FCHSD2: variants seen among roughly 807,000 people sequenced by gnomAD.
FCHSD2 encodes the protein F-BAR and double SH3 domains protein 2.
FCHSD2 carries 38 observed loss-of-function variants against 108.1 expected under a neutral mutation model. That is an observed-to-expected ratio of 0.35 (90% confidence interval 0.27 to 0.46). The LOEUF is 0.46. Among genes scored for constraint, FCHSD2 ranks in the 20% least tolerant of loss-of-function variants. The pLI is 1.00. For synonymous variants in FCHSD2, 279 were observed against 314.7 expected (o/e 0.89, Z 1.20); for missense variants, 751 against 897.8 (o/e 0.84, Z 2.09).
intron 8 of FCHSD2, among the ~76,000 whole-genome samples, chr11:72,974,760 T>G (rs1263007106): frequency 6.6e-6 from 1 of 151,988 alleles, no homozygotes; most frequent in African/African-American, 2.4e-5. Context: ...CATATGGTAT[T>G]TATGGGAACT....
intron 3 of FCHSD2, among the ~76,000 whole-genome samples, chr11:73,072,251 G>A (rs1859454756): frequency 6.6e-6 from 1 of 151,200 alleles, no homozygotes; most frequent in South Asian, 2.1e-4. Flanking sequence ...AAAATAATGG[G>A]GATCAGCATC....
chr11:72,887,606 T>C (rs1405739570), intron 11 of FCHSD2, 32 bp from the exon 12 acceptor site: 2 of 1,340,832 alleles, frequency 1.5e-6, no homozygotes, highest in Non-Finnish European at 2.0e-6. Flanking sequence ...TAATGATGAC[T>C]GTTTTTTACT....
intron 2 of FCHSD2, among the ~76,000 whole-genome samples, chr11:73,113,102 C>CTTT (rs905666045): frequency 1.3e-5 from 2 of 152,018 alleles, no homozygotes; most frequent in African/African-American, 4.8e-5. Context: ...TTGATAAATT[C>CTTT]TGCTGTTAAG....
At chr11:72,964,561 C>G (rs925119983) in intron 8 of FCHSD2, among the ~76,000 whole-genome samples, 2 of 152,134 alleles carry the variant, frequency 1.3e-5, no homozygotes, top group African/African-American at 4.8e-5. Context: ...CGTCTGGAGT[C>G]TAGCAGAGTT....
intron 3 of FCHSD2, among the ~76,000 whole-genome samples, chr11:73,020,413 T>C (rs761723762): frequency 6.6e-6 from 1 of 152,238 alleles, no homozygotes; most frequent in Non-Finnish European, 1.5e-5. Flanking sequence ...GATGGCTCTT[T>C]AAAATTTTTG....
At chr11:72,888,689 C>CCTCAATGTAACCTCCACCTCCCGGGCT in intron 11 of FCHSD2, among the ~76,000 whole-genome samples, 1 of 151,170 alleles carries the variant, frequency 6.6e-6, no homozygotes, top group East Asian at 1.9e-4. Context: ...CATGATCTTA[C>CCTCAATGTAACCTCCACCTCCCGGGCT]CTCAATGTAA....
At chr11:73,104,058 T>C (rs895233361) in intron 2 of FCHSD2, among the ~76,000 whole-genome samples, 1 of 152,242 alleles carries the variant, frequency 6.6e-6, no homozygotes, top group Admixed American at 6.5e-5. Context: ...AGTACCTGAA[T>C]GTCAGCCATC....
intron 3 of FCHSD2, among the ~76,000 whole-genome samples, chr11:73,056,808 C>T (rs1055594556): frequency 1.2e-4 from 19 of 152,262 alleles, no homozygotes; most frequent in African/African-American, 4.6e-4. Context: ...CAAGGCCGGG[C>T]GCGGTGGCTC....
chr11:72,841,539 C>T lies in FCHSD2; in HGVS notation c.1971G>A (p.Pro657=), dbSNP rs139161872. The T allele has an allele frequency of 3.5e-5, 57 of 1,610,982 alleles. No individual in the cohort carries two copies. Among genetic ancestry groups the T allele is most frequent in the African/African-American group, 5.4e-5 (4 of 74,744 alleles). ...GGCTGCTGGGAGGCTGGTCGTACAA[C>T]GGCAGTGGAGGCAGGGAGGCGTGTG... The part of the protein sequence containing the change: ...PKPHASLPPL[P]LYDQPPSSPY... The change falls in exon 18 of 20, where the codon CCG becomes CCA. Residue 657 remains proline, a synonymous_variant. Transcript: ENST00000409418.
chr11:73,092,878 T>C (rs1414770181), intron 2 of FCHSD2, among the ~76,000 whole-genome samples: 2 of 152,146 alleles, frequency 1.3e-5, no homozygotes, highest in African/African-American at 4.8e-5. Flanking sequence ...GGAGGTAATC[T>C]CTAAGCCCTT....
At chr11:73,004,823 C>T (rs538204236) in intron 4 of FCHSD2, among the ~76,000 whole-genome samples, 1 of 152,196 alleles carries the variant, frequency 6.6e-6, no homozygotes, top group East Asian at 1.9e-4. Context: ...TTTCCTTAAT[C>T]CATTCTTCAC....
chr11:72,965,839 C>T (rs1005379277), intron 8 of FCHSD2, among the ~76,000 whole-genome samples: 3 of 152,182 alleles, frequency 2.0e-5, no homozygotes, highest in East Asian at 3.9e-4. Flanking sequence ...TGTTGCTCTA[C>T]CTCATGACCA....
At chr11:72,988,034 C>T (rs1591460982) in intron 6 of FCHSD2, among the ~76,000 whole-genome samples, 3 of 152,196 alleles carry the variant, frequency 2.0e-5, no homozygotes, top group Admixed American at 6.5e-5. Context: ...TGATAAACCG[C>T]GGAGCCCCTG....
intron 13 of FCHSD2, among the ~76,000 whole-genome samples, chr11:72,863,836 T>C (rs1209852834): frequency 6.6e-6 from 1 of 152,220 alleles, no homozygotes; most frequent in Non-Finnish European, 1.5e-5. Context: ...CTATAGTAAG[T>C]ACTGATAAGG....
At chr11:73,131,795 C>T (rs2135572494) in intron 2 of FCHSD2, among the ~76,000 whole-genome samples, 1 of 152,050 alleles carries the variant, frequency 6.6e-6, no homozygotes, top group South Asian at 2.1e-4. Context: ...AAAAATGCTG[C>T]CAATTAACAC....
At chr11:72,854,943 G>A (rs560344203) in intron 13 of FCHSD2, among the ~76,000 whole-genome samples, 2 of 151,940 alleles carry the variant, frequency 1.3e-5, no homozygotes, top group East Asian at 3.9e-4. Context: ...TTCGAGACCA[G>A]CCTGGCCAAC....
At chr11:72,864,974 A>T (rs1034190963) in intron 13 of FCHSD2, among the ~76,000 whole-genome samples, 2 of 152,180 alleles carry the variant, frequency 1.3e-5, no homozygotes, top group African/African-American at 4.8e-5. Flanking sequence ...CCTTTTTTCC[A>T]ATCTTACATT....
intron 8 of FCHSD2, among the ~76,000 whole-genome samples, chr11:72,925,532 A>G (rs1856059009): frequency 6.6e-6 from 1 of 152,192 alleles, no homozygotes; most frequent in African/African-American, 2.4e-5. Context: ...TCTTTAAAAC[A>G]AACAAACAAA....
Position 72,921,904 on chromosome 11 carries a change from G to C in FCHSD2, c.752C>G (p.Ala251Gly). 1 of 1,601,928 alleles carries C rather than the reference G, an allele frequency of 6.2e-7. No homozygotes were observed. The highest frequency in any genetic ancestry group is 8.5e-7 in the Non-Finnish European group (1 of 1,172,586). ...TGTTTCTAGCTCAGTCCGGCTGAAG[G>C]CTATTAAATAATCCTTGAGATGATC... ...VYDHLKDYLI[A>G]FSRTELETCQ... is the part of the protein sequence containing the mutation. The change falls in exon 9 of 20, where the codon GCC (alanine) becomes GGC (glycine). Residue 251 changes from alanine to glycine, a missense_variant. Ala to Gly is a moderately conservative substitution (Grantham distance 60). Coordinates refer to ENST00000409418, the MANE Select transcript of FCHSD2 (RefSeq NM_014824.3).
Sources: allele counts gnomAD v4.1 joint callset (sites outside exome capture counted in the v4.1 genomes callset), GRCh38; gene constraint gnomAD v4.1.1; transcripts MANE v1.5; gene names NCBI Gene and HGNC (gene_info 2026-07-23, HGNC 2026-07-21).